The following PLPPR1 variants were observed in gnomAD, a reference collection of about 807,000 sequenced individuals.
PLPPR1 encodes phospholipid phosphatase-related protein type 1.
In PLPPR1, 10 loss-of-function variants were observed where a neutral mutation model predicts 33.1. That is an observed-to-expected ratio of 0.30 (90% CI 0.19 to 0.51). PLPPR1 has a LOEUF of 0.51. Among genes scored for constraint, PLPPR1 ranks in the 20% least tolerant of loss-of-function variants. The probability of loss-of-function intolerance (pLI) is 0.97; values close to 1 mark genes in which losing one functional copy is unlikely to be tolerated. For synonymous variants in PLPPR1, 151 were observed against 151.0 expected, an observed-to-expected ratio of 1.00 and a Z score of 0.00; for missense variants, 304 against 408.1, an observed-to-expected ratio of 0.74 and a Z score of 2.20.
At chr9:101,034,625 C>A (rs1011964616) in intron 1 of PLPPR1, among the ~76,000 whole-genome samples, 4 of 152,112 alleles carry the variant, frequency 2.6e-5, no homozygotes, top group African/African-American at 9.7e-5. Context: ...TCAATTACTC[C>A]TGCTTTTAAG....
intron 1 of PLPPR1, among the ~76,000 whole-genome samples, chr9:101,184,516 A>G (rs1456450879): frequency 2.0e-5 from 3 of 151,910 alleles, no homozygotes; most frequent in Non-Finnish European, 4.4e-5. Flanking sequence ...GTTGGTAGGG[A>G]TGACAGAGAA....
intron 3 of PLPPR1, among the ~76,000 whole-genome samples, chr9:101,270,297 TTTTTTTTTAAAA>T (rs1483945957): frequency 3.7e-5 from 5 of 136,382 alleles, no homozygotes; most frequent in Non-Finnish European, 7.4e-5. Flanking sequence ...TAAAAAGATG[TTTTTTTTTAAAA>T]AGCATGTGAG....
chr9:101,058,726 T>C (rs976334676), intron 1 of PLPPR1, among the ~76,000 whole-genome samples: 5 of 152,138 alleles, frequency 3.3e-5, no homozygotes, highest in Non-Finnish European at 7.4e-5. Context: ...CAGCCCCATT[T>C]TATAGGCAAA....
At chr9:101,221,931 G>C (rs1476534758) in intron 2 of PLPPR1, among the ~76,000 whole-genome samples, 2 of 152,162 alleles carry the variant, frequency 1.3e-5, no homozygotes, top group Non-Finnish European at 2.9e-5. Flanking sequence ...AAAGAAAATA[G>C]GAAAAAGAAA....
At chr9:101,133,046 T>C (rs1321665283) in intron 1 of PLPPR1, among the ~76,000 whole-genome samples, 1 of 152,180 alleles carries the variant, frequency 6.6e-6, no homozygotes, top group Non-Finnish European at 1.5e-5. Context: ...TAGAAATCCC[T>C]TGGGAATCAA....
intron 1 of PLPPR1, among the ~76,000 whole-genome samples, chr9:101,127,380 G>A (rs1434573664): frequency 2.0e-5 from 3 of 152,218 alleles, no homozygotes; most frequent in African/African-American, 7.2e-5. Context: ...GGACCAGGGG[G>A]CCATTGTGAT....
intron 1 of PLPPR1, among the ~76,000 whole-genome samples, chr9:101,098,106 T>C (rs1464579865): frequency 6.6e-6 from 1 of 152,002 alleles, no homozygotes; most frequent in Non-Finnish European, 1.5e-5. Context: ...TTGGTTTGTG[T>C]TCAGAAATAT....
At chr9:101,292,665 A>G (rs932280293) in intron 4 of PLPPR1, among the ~76,000 whole-genome samples, 1 of 152,102 alleles carries the variant, frequency 6.6e-6, no homozygotes, top group Non-Finnish European at 1.5e-5. Flanking sequence ...TTCTTAAAGA[A>G]AAGAATTTTC....
At chr9:101,180,119 TATATATATATATATATATATATATACAC>T (rs1346220352) in intron 1 of PLPPR1, among the ~76,000 whole-genome samples, 13 of 59,174 alleles carry the variant, frequency 2.2e-4, no homozygotes, top group African/African-American at 3.6e-4. Flanking sequence ...TATATATATA[TATATATATATATATATATATATATACAC>T]ACACACACAC....
rs114076361 is a variant in PLPPR1 at position 101,306,606 on chromosome 9, C to T, written c.386-2605C>T. ...TGTGTCTGTTGTAAATTGGAAAATC[C>T]ATTCAGAAACATAATTGGCTTTGGC... On this transcript the variant is annotated intron_variant, in intron 4 of 7. Coordinates refer to ENST00000374874, the MANE Select transcript of PLPPR1 (RefSeq NM_207299.2). Among the ~76,000 whole-genome samples, 948 of 152,292 alleles carry T rather than the reference C, an allele frequency of 6.2e-3. 11 individuals carry two copies. Among genetic ancestry groups the T allele is most frequent in the African/African-American group, 0.022 (906 of 41,564 alleles).
intron 1 of PLPPR1, among the ~76,000 whole-genome samples, chr9:101,111,540 G>T (rs780874166): frequency 3.9e-5 from 6 of 152,078 alleles, no homozygotes; most frequent in Non-Finnish European, 8.8e-5. Flanking sequence ...ACCTATATTT[G>T]CATGCCTAAA....
At chr9:101,132,919 T>C (rs1484762377) in intron 1 of PLPPR1, among the ~76,000 whole-genome samples, 1 of 152,178 alleles carries the variant, frequency 6.6e-6, no homozygotes, top group African/African-American at 2.4e-5. Context: ...CTGGAACTTG[T>C]CTCTGTCTTG....
intron 1 of PLPPR1, among the ~76,000 whole-genome samples, chr9:101,180,736 A>G (rs1470016023): frequency 6.6e-6 from 1 of 151,914 alleles, no homozygotes; most frequent in African/African-American, 2.4e-5. Flanking sequence ...ACAAAAATTA[A>G]CTCAAAGTGG....
intron 5 of PLPPR1, among the ~76,000 whole-genome samples, chr9:101,311,920 C>T (rs1828964537): frequency 6.6e-6 from 1 of 152,130 alleles, no homozygotes; most frequent in Admixed American, 6.6e-5. Context: ...AAAAAGTGTA[C>T]TTACATGAAA....
chr9:101,118,954 T>G (rs953084929), intron 1 of PLPPR1, among the ~76,000 whole-genome samples: 1 of 152,084 alleles, frequency 6.6e-6, no homozygotes, highest in Non-Finnish European at 1.5e-5. Context: ...CAAATTTGGA[T>G]GACATCCATG....
At chr9:101,037,813 C>A (rs1588002302) in intron 1 of PLPPR1, among the ~76,000 whole-genome samples, 1 of 147,858 alleles carries the variant, frequency 6.8e-6, no homozygotes, top group African/African-American at 2.5e-5. Context: ...GCTGTAAAAG[C>A]AAGGGAATAT....
At chr9:101,162,151 A>G (rs1375631466) in intron 1 of PLPPR1, among the ~76,000 whole-genome samples, 2 of 152,120 alleles carry the variant, frequency 1.3e-5, no homozygotes, top group East Asian at 3.9e-4. Flanking sequence ...CTGGAAGAAA[A>G]GCATAATGAG....
intron 2 of PLPPR1, among the ~76,000 whole-genome samples, chr9:101,207,786 A>C (rs2118761010): frequency 6.6e-6 from 1 of 152,346 alleles, no homozygotes; most frequent in South Asian, 2.1e-4. Flanking sequence ...TTTTGAAAAA[A>C]GAAAGAGTGC....
intron 2 of PLPPR1, among the ~76,000 whole-genome samples, chr9:101,267,706 A>G (rs1233572748): frequency 2.0e-5 from 3 of 151,694 alleles, no homozygotes; most frequent in Non-Finnish European, 2.9e-5. Flanking sequence ...ATGGTTAGAA[A>G]TTTGTACTTG....
Sources: allele counts gnomAD v4.1 joint callset (sites outside exome capture counted in the v4.1 genomes callset), GRCh38; gene constraint gnomAD v4.1.1; transcripts MANE v1.5; gene names NCBI Gene and HGNC (gene_info 2026-07-23, HGNC 2026-07-21).